The following TBC1D16 variants were observed in gnomAD, a reference collection of about 807,000 sequenced individuals.
TBC1D16 encodes CTD-2529O21.1.
In TBC1D16, 58 loss-of-function variants were observed where a neutral mutation model predicts 74.7. That is an observed-to-expected ratio of 0.78 (90% confidence interval 0.63 to 0.97). The LOEUF is 0.97. Among genes scored for constraint, TBC1D16 ranks in the 50% least tolerant of loss-of-function variants. The pLI is 0.00. For synonymous variants in TBC1D16, 493 were observed against 474.7 expected, an observed-to-expected ratio of 1.04 and a Z score of -0.50; for missense variants, 1,014 against 1,079.5, an observed-to-expected ratio of 0.94 and a Z score of 0.85.
intron 3 of TBC1D16, among the ~76,000 whole-genome samples, chr17:79,998,895 A>T (rs924965603): frequency 3.9e-5 from 6 of 152,300 alleles, no homozygotes; most frequent in African/African-American, 1.4e-4. Context: ...TGTTGAAAAA[A>T]ATCCAGAGGA....
chr17:79,984,775 C>T (rs1280131850), intron 3 of TBC1D16, among the ~76,000 whole-genome samples: 1 of 151,610 alleles, frequency 6.6e-6, no homozygotes, highest in Non-Finnish European at 1.5e-5. Context: ...CAAGCAATCC[C>T]TCCATAGGAT....
At chr17:79,945,940 C>A (rs1274566912) in intron 9 of TBC1D16, among the ~76,000 whole-genome samples, 1 of 152,260 alleles carries the variant, frequency 6.6e-6, no homozygotes, top group African/African-American at 2.4e-5. Context: ...CGGGAGACTG[C>A]GCTGAAGCTG....
intron 3 of TBC1D16, among the ~76,000 whole-genome samples, chr17:79,991,754 G>T (rs2144496258): frequency 6.6e-6 from 1 of 151,914 alleles, no homozygotes; most frequent in South Asian, 2.1e-4. Context: ...ACCGCAGGCA[G>T]CGGCCAGCCC....
intron 7 of TBC1D16, 55 bp downstream of exon 7, chr17:79,949,662 A>G (rs950817432): frequency 6.1e-5 from 95 of 1,570,154 alleles, no homozygotes; most frequent in Non-Finnish European, 8.1e-5. Context: ...GCCTTTTCAA[A>G]TGACATTTTC....
intron 1 of TBC1D16, among the ~76,000 whole-genome samples, chr17:80,018,261 A>G (rs1243386399): frequency 7.2e-6 from 1 of 138,006 alleles, no homozygotes; most frequent in Non-Finnish European, 1.5e-5. Flanking sequence ...CATATAGTCA[A>G]TATGAAAACA....
chr17:80,000,204 G>A lies in TBC1D16; in HGVS notation c.779+9956C>T, dbSNP rs750071562. ...GGTTGGCACCCATAGAGCATATGCC[G>A]CGGTGAACAGTGCTCCCCCAAGATT... On this transcript the variant is annotated intron_variant, in intron 3 of 11. Coordinates refer to ENST00000310924, the MANE Select transcript of TBC1D16 (RefSeq NM_019020.4). This position sits in a 1 kb window ranked among gnomAD's most constrained non-coding sequence, Gnocchi z 4.1. Among the ~76,000 whole-genome samples the A allele has an allele frequency of 6.6e-5, 10 of 152,114 alleles. No homozygotes were observed. Among genetic ancestry groups the A allele is most frequent in the South Asian group, 6.2e-4 (3 of 4,824 alleles).
At position 79,968,843 on chromosome 17, in the gene TBC1D16, A is replaced by T. The variant is rs1256666394; in HGVS notation, c.780-16025T>A. On this transcript the variant is annotated intron_variant, in intron 3 of 11. Transcript: ENST00000310924. ...ACTCCACAGAGCCAGATGCCGTCTC[A>T]AAAAAAAAAAAAAAAAAAAAAAAAG... Among the ~76,000 whole-genome samples, 4 of 20,280 alleles carry T rather than the reference A, an allele frequency of 2.0e-4. No homozygotes were observed. The East Asian group carries it at 0.014, about 69-fold the overall frequency. The allele number at this position is 20,280 out of a possible 152,430, so 13.3% of individuals were successfully genotyped here. A position where few individuals can be genotyped will look rare whatever the true frequency, so the allele number is the denominator to read the frequency against.
intron 1 of TBC1D16, among the ~76,000 whole-genome samples, chr17:80,034,516 CATAAAAACTTTCGTT>C (rs2036885781): frequency 6.6e-6 from 1 of 152,122 alleles, no homozygotes. Flanking sequence ...AAACTTTCGC[CATAAAAACTTTCGTT>C]AGCCATAGTC....
intron 1 of TBC1D16, among the ~76,000 whole-genome samples, chr17:80,025,100 A>ACAC (rs1568649890): frequency 0.91 from 70,457 of 77,110 alleles, 32,716 homozygotes; most frequent in Admixed American, 0.95. Flanking sequence ...CACACACACC[A>ACAC]TATACACACA....
intron 8 of TBC1D16, 46 bp from the exon 9 acceptor site, chr17:79,947,877 CG>C (rs1194852204): frequency 1.3e-6 from 2 of 1,530,530 alleles, no homozygotes; most frequent in Non-Finnish European, 1.8e-6. Flanking sequence ...ACCCTCACCG[CG>C]GCACACTGCC....
In TBC1D16 at chr17:79,975,803, C is replaced by T. The variant is rs920076168; in HGVS notation, c.780-22985G>A. 6.6e-6 allele frequency among the ~76,000 whole-genome samples: 1 copy of T among 152,224 alleles called. No homozygotes were observed. The highest frequency in any genetic ancestry group is 1.5e-5 in the Non-Finnish European group (1 of 68,044). On this transcript the variant is annotated intron_variant, in intron 3 of 11. Transcript: ENST00000310924. This position sits in a 1 kb window ranked among gnomAD's most constrained non-coding sequence, Gnocchi z 4.5. Reference sequence around the variant, plus strand: ...CAGGCAATGCCTGCGTCTGCCCACACCTGCAGAGCATGAGCCCCACTTTGG... The same window carrying T: ...CAGGCAATGCCTGCGTCTGCCCACATCTGCAGAGCATGAGCCCCACTTTGG...
At chr17:80,020,244 G>C (rs890199799) in intron 1 of TBC1D16, among the ~76,000 whole-genome samples, 4 of 149,634 alleles carry the variant, frequency 2.7e-5, no homozygotes, top group African/African-American at 1.0e-4. Context: ...CTGGTACTTT[G>C]TTAGGGCAGC....
At position 80,011,437 on chromosome 17, in the gene TBC1D16, T is replaced by G. The variant is rs73425704; in HGVS notation, c.182-680A>C. Among the ~76,000 whole-genome samples, 700 of 152,252 alleles carry G rather than the reference T, an allele frequency of 4.6e-3. 5 individuals carry two copies. Among genetic ancestry groups the G allele is most frequent in the African/African-American group, 0.016 (672 of 41,556 alleles). On this transcript the variant is annotated intron_variant, in intron 2 of 11. Transcript: ENST00000310924. ...AGGGCTCACCTGCCTGCAGCCTCCC[T>G]GTCTGTGTGAGCCCAGCGGCCCAGG...
In TBC1D16 at chr17:79,951,570, C is replaced by G. The variant is rs773758296; in HGVS notation, c.969G>C (p.Leu323=). The change falls in exon 5 of 12, where the codon CTG becomes CTC. Residue 323 remains leucine (L), a synonymous_variant. Coordinates refer to ENST00000310924, the MANE Select transcript of TBC1D16 (RefSeq NM_019020.4). ...FSDEACTSGQ[L]VVASRESQYK... ...ACTGGCTCTCTCGGCTGGCAACGAC[C>G]AGCTGGCCGCTGGTGCAGGCCTCGT... The G allele has an allele frequency of 5.6e-6, 9 of 1,613,768 alleles. No homozygotes were observed. The East Asian group carries it at 1.3e-4, about 24-fold the overall frequency.
chr17:79,949,711 G>A lies in TBC1D16; in HGVS notation c.1406+6C>T, dbSNP rs1406193262. 8.7e-6 allele frequency: 14 copies of A among 1,604,788 alleles called. No homozygotes were observed. Among genetic ancestry groups the A allele is most frequent in the Middle Eastern group, 1.7e-4 (1 of 5,848 alleles). On this transcript the variant is annotated splice_donor_region_variant and intron_variant, in intron 7 of 11. Transcript: ENST00000310924. ...CGGGGTGGGCCGGGCTGGCCCCGGC[G>A]GTTACCTTTTCTGCTGGATCTCAGA...
chr17:79,965,811 T>C (rs1387722764), intron 3 of TBC1D16, among the ~76,000 whole-genome samples: 2 of 152,236 alleles, frequency 1.3e-5, no homozygotes, highest in Non-Finnish European at 2.9e-5. Context: ...ACTTCTCCCC[T>C]TCACCCCTGC....
Position 79,949,013 on chromosome 17 carries a change from G to A in TBC1D16, c.1407-7C>T. The A allele has an allele frequency of 6.2e-7, 1 of 1,613,938 alleles. No individual in the cohort carries two copies. ...CTCGGGAGTCATGGAGAGCCTGTGT[G>A]GAGCCGAGCACCCAGCCGGGGTCAG... On this transcript the variant is annotated splice_polypyrimidine_tract_variant and splice_region_variant and intron_variant, in intron 7 of 11. Transcript: ENST00000310924.
intron 3 of TBC1D16, among the ~76,000 whole-genome samples, chr17:79,973,818 G>A (rs2034218034): frequency 1.3e-5 from 2 of 151,876 alleles, no homozygotes; most frequent in Non-Finnish European, 2.9e-5. Flanking sequence ...TCACACTACT[G>A]CACTCCACCC....
rs762930228 is a variant in TBC1D16 at position 79,950,458 on chromosome 17, G to T, written c.1210C>A (p.His404Asn). The T allele has an allele frequency of 1.9e-6, 3 of 1,612,892 alleles. No homozygotes were observed. Among genetic ancestry groups the T allele is most frequent in the Non-Finnish European group, 2.5e-6 (3 of 1,179,884 alleles). The change falls in exon 6 of 12, where the codon CAC becomes AAC. Residue 404 changes from histidine to asparagine, a missense_variant. His to Asn is a moderately conservative substitution (Grantham distance 68, BLOSUM62 1). Coordinates refer to ENST00000310924, the MANE Select transcript of TBC1D16 (RefSeq NM_019020.4). The surrounding 1 kb of genome is among the most constrained non-coding windows in gnomAD (Gnocchi z 4.6). ...TCCACCTGGCCCAGCTCATTCAGGT[G>T]GTTGAGCCAGGCGGAGACGCCGAGC... ...KRLGVSAWLN[H>N]LNELGQVEEE...
Sources: gnomAD v4.1 joint callset for allele counts (sites outside exome capture counted in the v4.1 genomes callset) on GRCh38, gnomAD v4.1.1 for gene constraint, Gnocchi (gnomAD v3.1) non-coding constraint, MANE v1.5 for transcripts, NCBI Gene and HGNC (gene_info 2026-07-23, HGNC 2026-07-21) for gene names.